Variants in PRKG1 observed in about 807,000 individuals in gnomAD.
PRKG1 encodes the protein cGMP-dependent protein kinase 1.
Under a neutral mutation model 88.1 loss-of-function variants are expected in PRKG1, and 35 were observed. The ratio of observed to expected loss-of-function variants is 0.40; its 90% confidence interval spans 0.30 to 0.53. PRKG1 has a LOEUF of 0.53. Ranked by LOEUF, PRKG1 falls within the 20% of genes least tolerant of loss-of-function variation. PRKG1 has a pLI of 0.59. For missense variants in PRKG1, 540 were observed against 839.8 expected (o/e 0.64, Z 4.41); for synonymous variants, 303 against 292.5 (o/e 1.04, Z -0.37).
chr10:51,515,099 G>A (rs1259710717), intron 3 of PRKG1, among the ~76,000 whole-genome samples: 1 of 151,718 alleles, frequency 6.6e-6, no homozygotes, highest in Non-Finnish European at 1.5e-5. Context: ...GAGACAAGTT[G>A]GAATAAATCG....
intron 3 of PRKG1, among the ~76,000 whole-genome samples, chr10:51,735,875 A>G (rs550797394): frequency 0.021 from 1,237 of 59,436 alleles, 11 homozygotes; most frequent in Middle Eastern, 0.094. Context: ...ATATATATAT[A>G]TATATGTATA....
At chr10:51,695,052 C>T (rs1841251987) in intron 3 of PRKG1, among the ~76,000 whole-genome samples, 1 of 152,052 alleles carries the variant, frequency 6.6e-6, no homozygotes, top group Non-Finnish European at 1.5e-5. Flanking sequence ...GGGATTTTTT[C>T]CCCCTAATAA....
chr10:52,195,719 A>C (rs930385593), intron 9 of PRKG1, among the ~76,000 whole-genome samples: 39 of 152,256 alleles, frequency 2.6e-4, no homozygotes, highest in African/African-American at 9.4e-4. Context: ...ACTGACTTCA[A>C]ATTTTAGAGT....
chr10:51,135,048 C>T lies in PRKG1; in HGVS notation c.312-18116C>T, dbSNP rs112854045. ...CCCTGTCCATGTTGAGTTTGTGGAG[C>T]ACTTGTGTGAGGGAATATATTGAAC... On this transcript the variant is annotated intron_variant, in intron 1 of 17. Coordinates refer to ENST00000373980, the MANE Select transcript of PRKG1 (RefSeq NM_006258.4). 2.4e-3 allele frequency among the ~76,000 whole-genome samples: 371 copies of T among 152,230 alleles called. 3 individuals are homozygous for T. Among genetic ancestry groups the T allele is most frequent in the African/African-American group, 8.6e-3 (356 of 41,532 alleles).
intron 2 of PRKG1, among the ~76,000 whole-genome samples, chr10:51,437,599 C>T (rs1759242489): frequency 6.6e-6 from 1 of 151,794 alleles, no homozygotes; most frequent in Non-Finnish European, 1.5e-5. Flanking sequence ...TAATTTCTAG[C>T]AACTAAATTT....
intron 9 of PRKG1, among the ~76,000 whole-genome samples, chr10:52,167,294 A>G (rs1202643056): frequency 1.3e-5 from 2 of 152,088 alleles, no homozygotes; most frequent in Non-Finnish European, 2.9e-5. Flanking sequence ...CTGTGAACTA[A>G]GAGAAGGAGA....
intron 3 of PRKG1, among the ~76,000 whole-genome samples, chr10:51,590,818 G>A (rs1008302162): frequency 1.3e-5 from 2 of 150,366 alleles, no homozygotes; most frequent in Admixed American, 6.6e-5. Flanking sequence ...CGATATGGGG[G>A]GGGTGGGGTG....
chr10:51,841,657 AAAAAAG>A, intron 4 of PRKG1, among the ~76,000 whole-genome samples: 1 of 152,092 alleles, frequency 6.6e-6, no homozygotes, highest in Non-Finnish European at 1.5e-5. Context: ...TTTGTTAAAA[AAAAAAG>A]ACCAAAATAT....
intron 3 of PRKG1, among the ~76,000 whole-genome samples, chr10:51,721,969 C>A (rs72797374): frequency 0.015 from 2,355 of 152,214 alleles, 70 homozygotes; most frequent in African/African-American, 0.053. Flanking sequence ...CGGTGGCTTA[C>A]GCCTGTAATC....
At chr10:52,265,471 G>A (rs1310325925) in intron 10 of PRKG1, among the ~76,000 whole-genome samples, 9 of 152,042 alleles carry the variant, frequency 5.9e-5, no homozygotes, top group African/African-American at 2.2e-4. Context: ...TAAGCTACGA[G>A]CTCTTAATAA....
chr10:51,028,596 A>G (rs113693401), intron 1 of PRKG1, among the ~76,000 whole-genome samples: 2,848 of 152,064 alleles, frequency 0.019, 41 homozygotes, highest in Non-Finnish European at 0.027. Context: ...AAAAATTCAG[A>G]TAACAGAAAG....
intron 2 of PRKG1, among the ~76,000 whole-genome samples, chr10:51,389,822 G>A (rs1473907459): frequency 6.6e-6 from 1 of 152,136 alleles, no homozygotes; most frequent in Non-Finnish European, 1.5e-5. Flanking sequence ...CACTTTCAGT[G>A]ACTTTTCTGC....
intron 2 of PRKG1, among the ~76,000 whole-genome samples, chr10:51,374,018 T>C (rs939549938): frequency 1.6e-4 from 23 of 147,870 alleles, no homozygotes; most frequent in Admixed American, 4.8e-4. Context: ...GTAAGGCGCC[T>C]GTAATCCCAG....
At chr10:52,032,912 A>G (rs1845506471) in intron 5 of PRKG1, among the ~76,000 whole-genome samples, 2 of 152,146 alleles carry the variant, frequency 1.3e-5, no homozygotes, top group Non-Finnish European at 2.9e-5. Context: ...AGACATCCTA[A>G]TGTAGTCTAG....
rs150671914 is a variant in PRKG1, at chr10:51,188,624, A to T, written c.478+35294A>T. 1.3e-4 allele frequency among the ~76,000 whole-genome samples: 20 copies of T among 152,112 alleles called. No homozygotes were observed. The East Asian group carries it at 3.9e-3, about 29-fold the overall frequency. ...AACTCGAGACACAGTCACATTTTAA[A>T]ATGACAGAATATTTAGTACTTGAAA... On this transcript the variant is annotated intron_variant, in intron 2 of 17. Coordinates refer to ENST00000373980, the MANE Select transcript of PRKG1 (RefSeq NM_006258.4).
intron 7 of PRKG1, among the ~76,000 whole-genome samples, chr10:52,106,705 A>AAATAAT (rs57109678): frequency 0.18 from 25,695 of 139,752 alleles, 2,422 homozygotes; most frequent in East Asian, 0.27. Flanking sequence ...CTCTGTCCCA[A>AAATAAT]AATAATAATA....
intron 2 of PRKG1, among the ~76,000 whole-genome samples, chr10:51,295,333 G>A (rs532730750): frequency 6.6e-6 from 1 of 151,984 alleles, no homozygotes; most frequent in South Asian, 2.1e-4. Context: ...ATAATTTCCA[G>A]TGTGTAAGTC....
chr10:51,977,669 G>A (rs1843881361), intron 5 of PRKG1, among the ~76,000 whole-genome samples: 1 of 152,002 alleles, frequency 6.6e-6, no homozygotes, highest in Non-Finnish European at 1.5e-5. Context: ...ATTCTAACTG[G>A]TGTGAGATGG....
intron 5 of PRKG1, among the ~76,000 whole-genome samples, chr10:52,039,505 G>A (rs11000542): frequency 0.29 from 44,507 of 152,000 alleles, 6,480 homozygotes; most frequent in Admixed American, 0.31. Context: ...TCATCTGGGC[G>A]TACATGTGCA....
Sources: gnomAD v4.1 joint callset for allele counts (sites outside exome capture counted in the v4.1 genomes callset) on GRCh38, gnomAD v4.1.1 for gene constraint, MANE v1.5 for transcripts, NCBI Gene and HGNC (gene_info 2026-07-23, HGNC 2026-07-21) for gene names.